The following ZNF438 variants were observed in gnomAD, a reference collection of about 807,000 sequenced individuals.
ZNF438 encodes the protein zinc finger protein 438.
In ZNF438, 25 loss-of-function variants were observed where a neutral mutation model predicts 38.0. The observed-to-expected ratio is 0.66, with a 90% CI of 0.48 to 0.92. The LOEUF (loss-of-function observed/expected upper bound fraction) is 0.92. Among genes scored for constraint, ZNF438 ranks in the 40% least tolerant of loss-of-function variants. The pLI is 0.00. For missense variants in ZNF438, 1,007 were observed against 999.6 expected, an observed-to-expected ratio of 1.01 and a Z score of -0.10; for synonymous variants, 372 against 364.1, an observed-to-expected ratio of 1.02 and a Z score of -0.25.
intron 1 of ZNF438, among the ~76,000 whole-genome samples, chr10:31,006,861 TGAG>T (rs1205370186): frequency 2.0e-4 from 30 of 152,174 alleles, no homozygotes; most frequent in African/African-American, 6.7e-4. Context: ...AAAACCATTT[TGAG>T]TGTGTTTTTT....
intron 3 of ZNF438, among the ~76,000 whole-genome samples, chr10:30,887,622 TC>T (rs2040131099): frequency 6.6e-6 from 1 of 152,146 alleles, no homozygotes; most frequent in African/African-American, 2.4e-5. Flanking sequence ...ACTCCTGACC[TC>T]CTGATCTGCC....
intron 2 of ZNF438, among the ~76,000 whole-genome samples, chr10:30,915,235 A>G (rs2043486313): frequency 6.6e-6 from 1 of 152,110 alleles, no homozygotes; most frequent in Admixed American, 6.6e-5. Context: ...AATGTCATTT[A>G]GAACCTTAAC....
chr10:30,869,400 A>AAGAAG (rs2037018654), intron 4 of ZNF438, among the ~76,000 whole-genome samples: 1 of 152,002 alleles, frequency 6.6e-6, no homozygotes, highest in South Asian at 2.1e-4. Context: ...AAGAAAAGAA[A>AAGAAG]AGAAAGAGGA....
At chr10:30,855,642 AT>A (rs1156827570) in intron 4 of ZNF438, among the ~76,000 whole-genome samples, 3 of 152,356 alleles carry the variant, frequency 2.0e-5, no homozygotes, top group Non-Finnish European at 4.4e-5. Context: ...AACCCTCGTA[AT>A]TACTTAAGTG....
At chr10:30,867,186 T>TA (rs1448520261) in intron 4 of ZNF438, among the ~76,000 whole-genome samples, 1 of 152,130 alleles carries the variant, frequency 6.6e-6, no homozygotes, top group African/African-American at 2.4e-5. Context: ...AGCTGGCTTT[T>TA]AAAAAAATAT....
At chr10:30,954,786 A>C (rs1012202693) in intron 1 of ZNF438, among the ~76,000 whole-genome samples, 2 of 152,196 alleles carry the variant, frequency 1.3e-5, no homozygotes, top group Non-Finnish European at 2.9e-5. Context: ...ATCAGCTTGC[A>C]CTGAAAGGGA....
chr10:30,910,482 A>C (rs1305958013), intron 2 of ZNF438: 1 of 152,180 alleles, frequency 6.6e-6, no homozygotes, highest in African/African-American at 2.4e-5. Flanking sequence ...TACAGTAGAA[A>C]AAAAATGCGA....
chr10:30,932,835 G>A (rs2045843986), intron 2 of ZNF438, among the ~76,000 whole-genome samples: 1 of 152,186 alleles, frequency 6.6e-6, no homozygotes, highest in Non-Finnish European at 1.5e-5. Flanking sequence ...ATCCTCACAA[G>A]AGGAGGAAAA....
chr10:30,994,719 A>G (rs1334410113), intron 1 of ZNF438, among the ~76,000 whole-genome samples: 2 of 152,210 alleles, frequency 1.3e-5, no homozygotes, highest in African/African-American at 4.8e-5. Context: ...GAGAAAAAAG[A>G]GGCAGAAATA....
chr10:30,848,710 TTTCTTCAGACGG>T lies in ZNF438; in HGVS notation c.1683_1694del (p.Asn561_Lys564del), dbSNP rs748864372. On this transcript the variant is annotated inframe_deletion, in exon 5 of 6. Coordinates refer to ENST00000413025, the Ensembl canonical transcript of ZNF438. ...TTGCACAAAACTCACAACACATGAG[TTTCTTCAGACGG>T]TTCTCACCATGATGAAGTTTCATGT... 9 of 1,614,192 alleles carry T rather than the reference TTTCTTCAGACGG, an allele frequency of 5.6e-6. No homozygotes were observed. The South Asian group carries it at 9.9e-5, about 18-fold the overall frequency.
At chr10:30,845,096 C>A (rs1194926297) in exon 6 of ZNF438, 1 of 1,614,176 alleles carries the variant, frequency 6.2e-7, no homozygotes, top group East Asian at 2.2e-5. Flanking sequence ...TCCGTCCCAG[C>A]ATCTCTGCAC....
At chr10:30,992,276 T>C (rs1227510525) in intron 1 of ZNF438, among the ~76,000 whole-genome samples, 4 of 152,050 alleles carry the variant, frequency 2.6e-5, no homozygotes, top group Non-Finnish European at 4.4e-5. Context: ...AATGAAGAAG[T>C]GGCTTTGGAA....
At chr10:30,849,063 C>T (rs1277581406) in exon 5 of ZNF438, 1 of 1,613,920 alleles carries the variant, frequency 6.2e-7, no homozygotes, top group African/African-American at 1.3e-5. Flanking sequence ...GCCAGGGAGG[C>T]CAAAGTGGGT....
intron 2 of ZNF438, among the ~76,000 whole-genome samples, chr10:30,923,007 C>T: frequency 6.6e-6 from 1 of 152,118 alleles, no homozygotes; most frequent in Non-Finnish European, 1.5e-5. Context: ...CTTAGTTAAG[C>T]CTTTTTGATA....
At chr10:30,958,889 T>C (rs956964302) in intron 1 of ZNF438, among the ~76,000 whole-genome samples, 1 of 147,432 alleles carries the variant, frequency 6.8e-6, no homozygotes, top group Admixed American at 6.8e-5. Context: ...TATATCAATA[T>C]TTTCTTCCTT....
intron 2 of ZNF438, among the ~76,000 whole-genome samples, chr10:30,937,145 G>T (rs372655009): frequency 1.3e-5 from 2 of 152,282 alleles, no homozygotes; most frequent in Non-Finnish European, 2.9e-5. Flanking sequence ...TAGGGCAGGG[G>T]TGCTAATGGA....
chr10:31,003,371 G>A (rs1165829569), intron 1 of ZNF438, among the ~76,000 whole-genome samples: 3 of 152,068 alleles, frequency 2.0e-5, no homozygotes, highest in Non-Finnish European at 4.4e-5. Flanking sequence ...AGGTAGTATT[G>A]GATGTCTTGC....
chr10:30,961,243 A>G (rs1428063163), intron 1 of ZNF438, among the ~76,000 whole-genome samples: 3 of 34,502 alleles, frequency 8.7e-5, no homozygotes, highest in African/African-American at 3.0e-4. Context: ...ATAATAAATA[A>G]AAAAAAAAAA....
Position 30,959,356 on chromosome 10 carries a change from G to T in ZNF438, c.-191-17705C>A, listed in dbSNP as rs1318922709. On this transcript the variant is annotated intron_variant, in intron 1 of 5. Coordinates refer to ENST00000413025, the Ensembl canonical transcript of ZNF438. The stretch of plus-strand genomic sequence containing the variant: ...GGAAGTCCCCAGCAGACTCCCTTCA[G>T]ACTTCATCTGCAACATTGGCTCTTC... Among the ~76,000 whole-genome samples the T allele has an allele frequency of 2.7e-5, 4 of 146,602 alleles. 1 individual carries two copies. The highest frequency in any genetic ancestry group is 4.9e-5 in the African/African-American group (2 of 41,002).
Sources: gnomAD v4.1 joint callset for allele counts (sites outside exome capture counted in the v4.1 genomes callset) on GRCh38, gnomAD v4.1.1 for gene constraint, MANE v1.5 for transcripts, NCBI Gene and HGNC (gene_info 2026-07-23, HGNC 2026-07-21) for gene names.